The following STAT4 variants were observed in gnomAD, a reference collection of about 807,000 sequenced individuals.
STAT4 encodes signal transducer and activator of transcription 4.
Under a neutral mutation model 110.5 loss-of-function variants are expected in STAT4, and 42 were observed. The ratio of observed to expected loss-of-function variants is 0.38; its 90% CI spans 0.30 to 0.49. The LOEUF (loss-of-function observed/expected upper bound fraction) is 0.49. Ranked by LOEUF, STAT4 falls within the 20% of genes least tolerant of loss-of-function variation. The pLI is 0.95. For synonymous variants in STAT4, 284 were observed against 302.2 expected (o/e 0.94, Z 0.63); for missense variants, 632 against 887.9 (o/e 0.71, Z 3.66).
In STAT4 at chr2:191,046,037, C is replaced by T. The variant is rs959453754; in HGVS notation, c.1252-4889G>A. ...TTGAACAATAGAAAATCTCACTGCC[C>T]ACTAGGGAGGGGATGCTTACACTAT... is the stretch of plus-strand genomic sequence containing the variant. On this transcript the variant is annotated intron_variant, in intron 14 of 23. Transcript: ENST00000392320. This position sits in a 1 kb window ranked among gnomAD's most constrained non-coding sequence, Gnocchi z 4.6. 6.6e-6 allele frequency among the ~76,000 whole-genome samples: 1 copy of T among 152,094 alleles called. No individual in the cohort carries two copies. The highest frequency in any genetic ancestry group is 1.9e-4 in the East Asian group (1 of 5,184).
At chr2:191,073,059 G>T in intron 5 of STAT4, 39 bp downstream of exon 5, 1 of 1,549,586 alleles carries the variant, frequency 6.5e-7, no homozygotes, top group Non-Finnish European at 8.9e-7. Context: ...TATGGGGACA[G>T]TATCTAGACT....
intron 3 of STAT4, among the ~76,000 whole-genome samples, chr2:191,136,789 A>G (rs1699190698): frequency 6.6e-6 from 1 of 152,140 alleles, no homozygotes; most frequent in African/African-American, 2.4e-5. Context: ...TGCTGATGAT[A>G]TGATTTTATA....
At chr2:191,151,188 C>T (rs540874455), upstream of STAT4, 30 of 985,618 alleles carry the variant, frequency 3.0e-5, no homozygotes, top group Non-Finnish European at 3.6e-5. The surrounding 1 kb of genome is among the most constrained non-coding windows in gnomAD (Gnocchi z 4.7). Flanking sequence ...GCCCCTTCAC[C>T]GGGCGTCCTC....
Position 191,082,492 on chromosome 2 carries a change from T to C in STAT4, c.274-6167A>G, listed in dbSNP as rs1697511525. ...TTCACATCACAGGCAATGACAACGA[T>C]GTTGTGATTGCCACATGGCAACAGC... is the stretch of plus-strand genomic sequence containing the variant. On this transcript the variant is annotated intron_variant, in intron 3 of 23. Coordinates refer to ENST00000392320, the MANE Select transcript of STAT4 (RefSeq NM_003151.4). This position sits in a 1 kb window ranked among gnomAD's most constrained non-coding sequence, Gnocchi z 4.7. Among the ~76,000 whole-genome samples, 1 of 152,248 alleles carries C rather than the reference T, an allele frequency of 6.6e-6. No individual in the cohort carries two copies. Among genetic ancestry groups the C allele is most frequent in the African/African-American group, 2.4e-5 (1 of 41,472 alleles).
intron 15 of STAT4, among the ~76,000 whole-genome samples, chr2:191,040,148 G>T (rs1242162075): frequency 1.3e-5 from 2 of 152,216 alleles, no homozygotes; most frequent in Non-Finnish European, 2.9e-5. Flanking sequence ...GTTCATTCAT[G>T]CACTGATTCA....
chr2:191,030,772 T>G lies in STAT4; in HGVS notation c.2220+200A>C, dbSNP rs1246851511. The G allele has an allele frequency of 6.9e-5, 36 of 518,552 alleles. No homozygotes were observed. The highest frequency in any genetic ancestry group is 1.0e-5 in the Non-Finnish European group (3 of 288,148). 32.1% of individuals were successfully genotyped at this position (518,552 alleles called of 1,614,324 possible). Reference sequence around the variant, plus strand: ...AACAACGTAAAGCAGTTTAAGTAACTGAAGGTGTCTGCTTTCAATACGCAT... The same window carrying G: ...AACAACGTAAAGCAGTTTAAGTAACGGAAGGTGTCTGCTTTCAATACGCAT... On this transcript the variant is annotated intron_variant, in intron 23 of 23. Transcript: ENST00000392320. This position sits in a 1 kb window ranked among gnomAD's most constrained non-coding sequence, Gnocchi z 4.4.
rs564339015 is a variant in STAT4, at chr2:191,118,698, G to A, written c.273+27915C>T. On this transcript the variant is annotated intron_variant, in intron 3 of 23. Transcript: ENST00000392320. ...TTTCTTGAATGTATCCTTTATCTAT[G>A]TGAGAATTTCTGTAGGATAATTATC... Among the ~76,000 whole-genome samples the A allele has an allele frequency of 2.6e-5, 4 of 152,158 alleles. No homozygotes were observed. In the South Asian group the frequency reaches 8.3e-4, roughly 32 times the overall value.
Position 191,030,735 on chromosome 2 carries a change from G to A in STAT4, c.2220+237C>T. On this transcript the variant is annotated intron_variant, in intron 23 of 23. Coordinates refer to ENST00000392320, the MANE Select transcript of STAT4 (RefSeq NM_003151.4). This position sits in a 1 kb window ranked among gnomAD's most constrained non-coding sequence, Gnocchi z 4.4. ...TATAGGAATATTTTGCCCTCTGGTGGTTTCTGGTGGAAACAACGTAAAGCA... is the reference window on the plus strand; with the variant it reads ...TATAGGAATATTTTGCCCTCTGGTGATTTCTGGTGGAAACAACGTAAAGCA... The A allele has an allele frequency of 2.4e-6, 1 of 424,206 alleles. No individual in the cohort carries two copies. Among genetic ancestry groups the A allele is most frequent in the Non-Finnish European group, 4.4e-6 (1 of 228,784 alleles). The allele number at this position is 424,206 out of a possible 1,614,324, so 26.3% of individuals were successfully genotyped here.
rs3771326 is a variant in STAT4, at chr2:191,051,012, G to A, written c.1251+3478C>T. On this transcript the variant is annotated intron_variant, in intron 14 of 23. Coordinates refer to ENST00000392320, the MANE Select transcript of STAT4 (RefSeq NM_003151.4). This position sits in a 1 kb window ranked among gnomAD's most constrained non-coding sequence, Gnocchi z 5.6. ...AAGTCTTACAACCAAAAAGTAGAAT[G>A]GAGCGACCCAAAATTGTGTGTGTGC... is the stretch of plus-strand genomic sequence containing the variant. Among the ~76,000 whole-genome samples, 8,445 of 152,242 alleles carry A rather than the reference G, an allele frequency of 0.055. 283 individuals are homozygous for A. The highest frequency in any genetic ancestry group is 0.12 in the Middle Eastern group (35 of 294).
rs1696075844 is a variant in STAT4 at position 191,037,468 on chromosome 2, T to A, written c.1435-1169A>T. Among the ~76,000 whole-genome samples, 2 of 152,118 alleles carry A rather than the reference T, an allele frequency of 1.3e-5. 1 individual carries two copies. Among genetic ancestry groups the A allele is most frequent in the South Asian group, 4.1e-4 (2 of 4,824 alleles). On this transcript the variant is annotated intron_variant, in intron 16 of 23. Transcript: ENST00000392320. The surrounding 1 kb of genome is among the most constrained non-coding windows in gnomAD (Gnocchi z 4.8). ...TGTGCCCAGCTAAATAAGAGAATATTCTGTGTGATCGACTACAAACGAGAT... is the reference window on the plus strand; with the variant it reads ...TGTGCCCAGCTAAATAAGAGAATATACTGTGTGATCGACTACAAACGAGAT...
intron 3 of STAT4, among the ~76,000 whole-genome samples, chr2:191,126,653 G>T (rs1407013818): frequency 1.5e-4 from 23 of 152,136 alleles, no homozygotes; most frequent in Admixed American, 1.4e-3. Context: ...CAGCTTCTCT[G>T]CAAGCTTCTG....
chr2:191,097,549 G>A lies in STAT4; in HGVS notation c.274-21224C>T, dbSNP rs959832265. On this transcript the variant is annotated intron_variant, in intron 3 of 23. Coordinates refer to ENST00000392320, the MANE Select transcript of STAT4 (RefSeq NM_003151.4). ...ATTCCCTATTTAATAAATGGTGCTG[G>A]GAAAACTGGCTAGCCATATGTAGAA... 5.1e-4 allele frequency among the ~76,000 whole-genome samples: 78 copies of A among 152,274 alleles called. 1 individual carries two copies. Among genetic ancestry groups the A allele is most frequent in the African/African-American group, 1.7e-3 (72 of 41,560 alleles).
chr2:191,060,874 A>T lies in STAT4; in HGVS notation c.1034+855T>A, dbSNP rs1696828910. ...GCCTTCTCTTTAAAAATGGAGTTCC[A>T]ATAGTGATATGTGATCAGCAACCTT... On this transcript the variant is annotated intron_variant, in intron 10 of 23. Coordinates refer to ENST00000392320, the MANE Select transcript of STAT4 (RefSeq NM_003151.4). The surrounding 1 kb of genome is among the most constrained non-coding windows in gnomAD (Gnocchi z 4.5). 6.6e-6 allele frequency among the ~76,000 whole-genome samples: 1 copy of T among 152,216 alleles called. No individual in the cohort carries two copies.
rs1481503638 is a variant in STAT4, at chr2:191,090,559, C to G, written c.274-14234G>C. Among the ~76,000 whole-genome samples the G allele has an allele frequency of 6.6e-6, 1 of 151,860 alleles. No homozygotes were observed. The highest frequency in any genetic ancestry group is 2.4e-5 in the African/African-American group (1 of 41,332). ...ACCTTATTTATTTATTTTTAAACTACTACTTGGTTTGTTTGTTTGAGACAG... is the reference window on the plus strand; with the variant it reads ...ACCTTATTTATTTATTTTTAAACTAGTACTTGGTTTGTTTGTTTGAGACAG... On this transcript the variant is annotated intron_variant, in intron 3 of 23. Transcript: ENST00000392320. This position sits in a 1 kb window ranked among gnomAD's most constrained non-coding sequence, Gnocchi z 4.2.
chr2:191,069,642 C>T, intron 6 of STAT4, 51 bp downstream of exon 6: 1 of 1,400,452 alleles, frequency 7.1e-7, no homozygotes, highest in Non-Finnish European at 1.0e-6. Context: ...AAACTCTACT[C>T]AAGATGCCTT....
chr2:191,094,578 C>T (rs527816927), intron 3 of STAT4, among the ~76,000 whole-genome samples: 1 of 152,278 alleles, frequency 6.6e-6, no homozygotes, highest in South Asian at 2.1e-4. Flanking sequence ...TTAACAAGAG[C>T]TCCTGAAGGA....
intron 5 of STAT4, among the ~76,000 whole-genome samples, chr2:191,072,075 C>G (rs760614433): frequency 1.2e-4 from 18 of 152,112 alleles, no homozygotes; most frequent in Non-Finnish European, 2.4e-4. Context: ...GCTGTCAATA[C>G]TCAAAACAGT....
chr2:191,102,637 G>A (rs1333851370), intron 3 of STAT4, among the ~76,000 whole-genome samples: 1 of 152,092 alleles, frequency 6.6e-6, no homozygotes, highest in Non-Finnish European at 1.5e-5. Context: ...CACAATGAAT[G>A]CATGAAACTG....
rs1486955716 is a variant in STAT4 at position 191,046,106 on chromosome 2, G to A, written c.1252-4958C>T. The stretch of plus-strand genomic sequence containing the variant: ...GAAGAATCTACAACTTCCACTTCAT[G>A]TTCACTAATGGGGGTGCCTTTCACA... On this transcript the variant is annotated intron_variant, in intron 14 of 23. Coordinates refer to ENST00000392320, the MANE Select transcript of STAT4 (RefSeq NM_003151.4). This position sits in a 1 kb window ranked among gnomAD's most constrained non-coding sequence, Gnocchi z 4.6. Among the ~76,000 whole-genome samples the A allele has an allele frequency of 1.3e-5, 2 of 152,224 alleles. No individual in the cohort carries two copies. Among genetic ancestry groups the A allele is most frequent in the East Asian group, 1.9e-4 (1 of 5,202 alleles).
Sources: allele counts gnomAD v4.1 joint callset (sites outside exome capture counted in the v4.1 genomes callset), GRCh38; gene constraint gnomAD v4.1.1; non-coding constraint Gnocchi (gnomAD v3.1); transcripts MANE v1.5; gene names NCBI Gene and HGNC (gene_info 2026-07-23, HGNC 2026-07-21).